Variants in PLEC observed in about 807,000 individuals in gnomAD.
The protein encoded by PLEC is hemidesmosomal protein 1.
A neutral mutation model predicts 392.8 loss-of-function variants in PLEC; 216 were observed. The observed-to-expected ratio is 0.55, with a 90% CI of 0.49 to 0.62. The LOEUF (loss-of-function observed/expected upper bound fraction) is 0.62, where lower values mean the gene tolerates loss of function less well. Ranked by LOEUF, PLEC falls within the 20% of genes least tolerant of loss-of-function variation. The probability of loss-of-function intolerance (pLI) is 0.00; values close to 1 mark genes in which losing one functional copy is unlikely to be tolerated. For synonymous variants in PLEC, 3,621 were observed against 2,980.6 expected, an observed-to-expected ratio of 1.21 and a Z score of -7.00; for missense variants, 6,863 against 6,563.4, an observed-to-expected ratio of 1.05 and a Z score of -1.58.
At chr8:143,940,876 C>T (rs74880992), upstream of PLEC, among the ~76,000 whole-genome samples, 936 of 152,320 alleles carry the variant, frequency 6.1e-3, 7 homozygotes, top group African/African-American at 0.021. Flanking sequence ...CGCCGCCCAA[C>T]GAAGACACCC....
At position 143,929,120 on chromosome 8, in the gene PLEC, A is replaced by C. The variant is rs1554710166; in HGVS notation, c.3243T>G (p.Ser1081=). 1 of 1,580,762 alleles carries C rather than the reference A, an allele frequency of 6.3e-7. No homozygotes were observed. Reference sequence around the variant, plus strand: ...GCACTCACTTCTCCAGGTAGATGGCAGACAGGCTGCGGACCTGCTCCAGCT... The same window carrying C: ...GCACTCACTTCTCCAGGTAGATGGCCGACAGGCTGCGGACCTGCTCCAGCT... ...LGKLEQVRSL[S]AIYLEKLKTI... is the part of the protein sequence containing the mutation. Residue 1081 remains serine, a synonymous_variant, in exon 25 of 32, where the codon TCT becomes TCG. Coordinates refer to ENST00000345136, the MANE Select transcript of PLEC (RefSeq NM_201384.3).
chr8:143,967,609 G>A (rs991696066), intron 1 of PLEC, among the ~76,000 whole-genome samples: 17 of 152,030 alleles, frequency 1.1e-4, no homozygotes, highest in Non-Finnish European at 2.1e-4. Flanking sequence ...ATCCACAGAT[G>A]CTCAAGTCCC....
chr8:143,917,480 G>T lies in PLEC; in HGVS notation c.12341C>A (p.Thr4114Lys). ...LMERCITDPQ[T>K]GLCLLPLKEK... ...CTTCAGCGGCAAGAGACACAGGCCC[G>T]TCTGGGGGTCAGTGATACAACGCTC... Residue 4114 changes from threonine to lysine, a missense_variant, in exon 32 of 32, where the codon ACG (threonine) becomes AAG (lysine). Physicochemically the swap from Thr to Lys is moderately conservative, Grantham distance 78. Coordinates refer to ENST00000345136, the MANE Select transcript of PLEC (RefSeq NM_201384.3). 1.2e-6 allele frequency: 2 copies of T among 1,613,842 alleles called. No individual in the cohort carries two copies. The highest frequency in any genetic ancestry group is 1.7e-6 in the Non-Finnish European group (2 of 1,180,014).
rs536284705 is a variant in PLEC at position 143,932,400 on chromosome 8, C to A, written c.1977G>T (p.Ser659=). The A allele has an allele frequency of 3.1e-6, 5 of 1,612,760 alleles. No individual in the cohort carries two copies. Among genetic ancestry groups the A allele is most frequent in the Non-Finnish European group, 3.4e-6 (4 of 1,179,956 alleles). ...TCAGGGCAGCTGGGCCACCGCTCACCGAGTAGCTCTCCTTCTTGGCGGTCA... is the reference window on the plus strand; with the variant it reads ...TCAGGGCAGCTGGGCCACCGCTCACAGAGTAGCTCTCCTTCTTGGCGGTCA... ...TNMTAKKESY[S]ALMRELELKE... Residue 659 remains serine (S), a splice_region_variant and synonymous_variant, in exon 16 of 32, where the codon TCG becomes TCT. Coordinates refer to ENST00000345136, the MANE Select transcript of PLEC (RefSeq NM_201384.3).
chr8:143,935,009 A>C lies in PLEC; in HGVS notation c.825+2T>G. The stretch of plus-strand genomic sequence containing the variant: ...CCCCTGCCCTCCGGGCCCCCCACTC[A>C]CGTTGGCCCTCACCCCATCCTGCAC... On this transcript the variant is annotated splice_donor_variant, in intron 8 of 31. Coordinates refer to ENST00000345136, the MANE Select transcript of PLEC (RefSeq NM_201384.3). LOFTEE classifies it high-confidence loss of function. 6.2e-7 allele frequency: 1 copy of C among 1,611,960 alleles called. No individual in the cohort carries two copies. The highest frequency in any genetic ancestry group is 8.5e-7 in the Non-Finnish European group (1 of 1,179,566).
chr8:143,961,692 G>A (rs782170147), intron 1 of PLEC, among the ~76,000 whole-genome samples: 1 of 152,216 alleles, frequency 6.6e-6, no homozygotes, highest in South Asian at 2.1e-4. Context: ...ATGCTGTATT[G>A]TAAATTAATG....
intron 1 of PLEC, among the ~76,000 whole-genome samples, chr8:143,946,101 T>A (rs1412476174): frequency 2.0e-5 from 3 of 152,226 alleles, no homozygotes; most frequent in African/African-American, 7.2e-5. Flanking sequence ...AACCAGCTCC[T>A]GGCGGGAGGA....
Position 143,924,840 on chromosome 8 carries a change from G to C in PLEC, c.5089C>G (p.Gln1697Glu). 6.3e-7 allele frequency: 1 copy of C among 1,579,512 alleles called. No individual in the cohort carries two copies. The highest frequency in any genetic ancestry group is 8.5e-7 in the Non-Finnish European group (1 of 1,170,824). The stretch of plus-strand genomic sequence containing the variant: ...GCGGTGCCTTCCGCCAGCTGCCGCT[G>C]CTTCTCCAGCTCTTGTTCAGCCAGC... Reference protein sequence around the residue: ...RELAEQELEKQRQLAEGTAQQ... With the variant: ...RELAEQELEKERQLAEGTAQQ... Residue 1697 changes from glutamine (Q) to glutamate (E), a missense_variant, in exon 31 of 32, where the codon CAG (glutamine) becomes GAG (glutamate). Physicochemically the swap from Gln to Glu is conservative, Grantham distance 29 (BLOSUM62 2). Coordinates refer to ENST00000345136, the MANE Select transcript of PLEC (RefSeq NM_201384.3).
In PLEC at chr8:143,921,916, G is replaced by T. The variant is rs1014045457; in HGVS notation, c.7905C>A (p.Gly2635=). Residue 2635 remains glycine (G), a synonymous_variant, in exon 32 of 32, where the codon GGC becomes GGA. Transcript: ENST00000345136. ...GCTCCGGCTCTGCCTCTGCCGCGGG[G>T]CCATCAAGTGCATCCCGGCCATTGG... is the stretch of plus-strand genomic sequence containing the variant. ...TLPNGRDALD[G]PAAEAEPEHS... 3 of 1,599,592 alleles carry T rather than the reference G, an allele frequency of 1.9e-6. No homozygotes were observed. The highest frequency in any genetic ancestry group is 2.5e-6 in the Non-Finnish European group (3 of 1,179,784).
intron 1 of PLEC, among the ~76,000 whole-genome samples, chr8:143,947,909 C>G (rs1044057380): frequency 6.6e-6 from 1 of 152,358 alleles, no homozygotes. Flanking sequence ...CTCTGTCCCT[C>G]TCTCTGGGCT....
chr8:143,932,399 C>G lies in PLEC; in HGVS notation c.1977+1G>C, dbSNP rs781851981. 6.2e-7 allele frequency: 1 copy of G among 1,612,786 alleles called. No individual in the cohort carries two copies. The highest frequency in any genetic ancestry group is 1.7e-5 in the Admixed American group (1 of 60,020). On this transcript the variant is annotated splice_donor_variant, in intron 16 of 31. Transcript: ENST00000345136. LOFTEE classifies it high-confidence loss of function. Reference sequence around the variant, plus strand: ...TTCAGGGCAGCTGGGCCACCGCTCACCGAGTAGCTCTCCTTCTTGGCGGTC... The same window carrying G: ...TTCAGGGCAGCTGGGCCACCGCTCAGCGAGTAGCTCTCCTTCTTGGCGGTC...
chr8:143,916,705 C>T lies in PLEC; in HGVS notation c.13116G>A (p.Gln4372=), dbSNP rs1820689653. Residue 4372 remains glutamine, a synonymous_variant, in exon 32 of 32, where the codon CAG becomes CAA. Coordinates refer to ENST00000345136, the MANE Select transcript of PLEC (RefSeq NM_201384.3). The stretch of plus-strand genomic sequence containing the variant: ...AGTAGAGCCAGCCCTTCTTCAGGGC[C>T]TGGGCGGCCGACATCTTGGTCTTGG... ...PRTKTKMSAA[Q]ALKKGWLYYE... The T allele has an allele frequency of 1.2e-6, 2 of 1,612,690 alleles. No homozygotes were observed. The highest frequency in any genetic ancestry group is 1.7e-6 in the Non-Finnish European group (2 of 1,179,884).
chr8:143,931,613 T>C lies in PLEC; in HGVS notation c.2225A>G (p.Gln742Arg). 2 of 1,600,768 alleles carry C rather than the reference T, an allele frequency of 1.2e-6. No individual in the cohort carries two copies. The highest frequency in any genetic ancestry group is 1.7e-6 in the Non-Finnish European group (2 of 1,174,278). ...ACTGTATTTCCTACGCAGTGCCTCC[T>C]GCAGCTTCTGCAACTGCCCCTCGGC... ...REAEGQLQKLQEALRRKYSCD... is the reference protein window; with the variant it reads ...REAEGQLQKLREALRRKYSCD... The change falls in exon 19 of 32, where the codon CAG (glutamine) becomes CGG (arginine). Residue 742 changes from glutamine to arginine, a missense_variant. Gln to Arg is a conservative substitution (Grantham distance 43). Coordinates refer to ENST00000345136, the MANE Select transcript of PLEC (RefSeq NM_201384.3).
In PLEC at chr8:143,919,291, C is replaced by T. The variant is rs1586797988; in HGVS notation, c.10530G>A (p.Lys3510=). The T allele has an allele frequency of 1.2e-6, 2 of 1,614,048 alleles. No individual in the cohort carries two copies. The highest frequency in any genetic ancestry group is 1.7e-5 in the Admixed American group (1 of 60,036). ...RVLADPSDDT[K]GFFDPNTHEN... Reference sequence around the variant, plus strand: ...CATGCGTGTTGGGGTCAAAGAAGCCCTTGGTGTCGTCGCTGGGGTCCGCCA... The same window carrying T: ...CATGCGTGTTGGGGTCAAAGAAGCCTTTGGTGTCGTCGCTGGGGTCCGCCA... The change falls in exon 32 of 32, where the codon AAG becomes AAA. Residue 3510 remains lysine, a synonymous_variant. Transcript: ENST00000345136.
At chr8:143,952,414 G>A (rs62523994), upstream of PLEC, among the ~76,000 whole-genome samples, 48,177 of 152,010 alleles carry the variant, frequency 0.32, 8,535 homozygotes, top group Non-Finnish European at 0.4. Context: ...AGGGACCACA[G>A]TGGCCACGCC....
chr8:143,932,109 CCCCTA>C lies in PLEC; in HGVS notation c.2082+16_2082+20del. 6.2e-7 allele frequency: 1 copy of C among 1,604,770 alleles called. No individual in the cohort carries two copies. Among genetic ancestry groups the C allele is most frequent in the Non-Finnish European group, 8.5e-7 (1 of 1,177,042 alleles). On this transcript the variant is annotated intron_variant, in intron 17 of 31. Coordinates refer to ENST00000345136, the MANE Select transcript of PLEC (RefSeq NM_201384.3). The stretch of plus-strand genomic sequence containing the variant: ...CGGCACGGCCCCCCCCGCAGCCCCG[CCCCTA>C]CCCAGGGAGCCCCACCTCCACCGTG...
upstream of PLEC, chr8:143,958,654 C>T (rs782568885): frequency 2.9e-5 from 13 of 454,484 alleles, no homozygotes; most frequent in Non-Finnish European, 4.4e-5. The surrounding 1 kb of genome is among the most constrained non-coding windows in gnomAD (Gnocchi z 4.9). Flanking sequence ...CCCACCACAG[C>T]CCTGCCGCTG....
intron 22 of PLEC, 34 bp downstream of exon 22, chr8:143,929,902 A>G (rs782472485): frequency 6.2e-7 from 1 of 1,605,040 alleles, no homozygotes. Context: ...CCCTCCTCCC[A>G]CCCAGAGAGC....
intron 19 of PLEC, 94 bp from the exon 20 acceptor site, chr8:143,930,630 C>G (rs568805374): frequency 7.6e-7 from 1 of 1,310,068 alleles, no homozygotes; most frequent in Admixed American, 2.1e-5. Flanking sequence ...CTGTGGGGCC[C>G]TCCTGATGCT....
Sources: allele counts gnomAD v4.1 joint callset (sites outside exome capture counted in the v4.1 genomes callset), GRCh38; gene constraint gnomAD v4.1.1; non-coding constraint Gnocchi (gnomAD v3.1); transcripts MANE v1.5; gene names NCBI Gene and HGNC (gene_info 2026-07-23, HGNC 2026-07-21).